The following DENND5B variants were observed in gnomAD, a reference collection of about 807,000 sequenced individuals.
DENND5B encodes DENN domain-containing protein 5B.
A neutral mutation model predicts 140.6 loss-of-function variants in DENND5B; 34 were observed. The ratio of observed to expected loss-of-function variants is 0.24; its 90% confidence interval spans 0.18 to 0.32. The LOEUF is 0.32. Ranked by LOEUF, DENND5B falls within the 10% of genes least tolerant of loss-of-function variation. DENND5B has a pLI of 1.00. For synonymous variants in DENND5B, 551 were observed against 562.1 expected (o/e 0.98, Z 0.28); for missense variants, 1,142 against 1,560.2 (o/e 0.73, Z 4.52).
intron 1 of DENND5B, among the ~76,000 whole-genome samples, chr12:31,507,025 C>T (rs1248993829): frequency 6.6e-6 from 1 of 152,192 alleles, no homozygotes; most frequent in Admixed American, 6.5e-5. Flanking sequence ...TTCAGAGTCC[C>T]AACCACATAG....
intron 2 of DENND5B, among the ~76,000 whole-genome samples, chr12:31,494,898 G>A (rs1946698314): frequency 6.6e-6 from 1 of 152,060 alleles, no homozygotes; most frequent in South Asian, 2.1e-4. Flanking sequence ...CCCACCCTGT[G>A]GATTGTACCT....
chr12:31,466,669 G>A (rs1237097242), intron 3 of DENND5B, among the ~76,000 whole-genome samples: 1 of 150,594 alleles, frequency 6.6e-6, no homozygotes, highest in Non-Finnish European at 1.5e-5. Context: ...CTCCATCCTG[G>A]GCAATAAAGT....
At chr12:31,525,236 T>C (rs1389188625) in intron 1 of DENND5B, among the ~76,000 whole-genome samples, 1 of 152,174 alleles carries the variant, frequency 6.6e-6, no homozygotes, top group African/African-American at 2.4e-5. Flanking sequence ...CATGCAAAAA[T>C]CTGAATGTTC....
intron 1 of DENND5B, among the ~76,000 whole-genome samples, chr12:31,550,870 A>T (rs762653696): frequency 6.6e-6 from 1 of 152,108 alleles, no homozygotes; most frequent in Non-Finnish European, 1.5e-5. Flanking sequence ...TCTTCTTTTG[A>T]GAAGTGTCTG....
chr12:31,388,237 T>C (rs982859253), intron 20 of DENND5B, among the ~76,000 whole-genome samples: 1 of 150,864 alleles, frequency 6.6e-6, no homozygotes, highest in Non-Finnish European at 1.5e-5. Context: ...TTTTTTTTTT[T>C]TTTTTTTTTT....
intron 1 of DENND5B, among the ~76,000 whole-genome samples, chr12:31,569,742 G>A (rs532660313): frequency 6.6e-6 from 1 of 152,256 alleles, no homozygotes; most frequent in African/African-American, 2.4e-5. Flanking sequence ...AGCCCAGGAG[G>A]CAGAGGTTGC....
chr12:31,482,945 T>G (rs2138582768), intron 2 of DENND5B, among the ~76,000 whole-genome samples: 1 of 152,364 alleles, frequency 6.6e-6, no homozygotes, highest in South Asian at 2.1e-4. Context: ...AAGCCCTGCA[T>G]GACTCAGCCC....
intron 1 of DENND5B, among the ~76,000 whole-genome samples, chr12:31,583,659 C>G (rs1329978538): frequency 6.6e-6 from 1 of 151,432 alleles, no homozygotes; most frequent in East Asian, 1.9e-4. Context: ...GCCCGGGCAA[C>G]AGAGCAAGAC....
At chr12:31,389,191 T>C (rs1182470548) in intron 20 of DENND5B, 133 bp downstream of exon 20, 3 of 853,744 alleles carry the variant, frequency 3.5e-6, no homozygotes, top group South Asian at 2.6e-5. Flanking sequence ...AGTGAGACTC[T>C]GTTTCAAAAG....
chr12:31,507,663 C>T (rs1349181254), intron 1 of DENND5B, among the ~76,000 whole-genome samples: 1 of 152,110 alleles, frequency 6.6e-6, no homozygotes, highest in Admixed American at 6.6e-5. Flanking sequence ...ATTGTAACTG[C>T]TATTATGAAA....
intron 1 of DENND5B, among the ~76,000 whole-genome samples, chr12:31,538,851 A>G (rs1185718780): frequency 6.6e-6 from 1 of 152,192 alleles, no homozygotes; most frequent in East Asian, 1.9e-4. Flanking sequence ...GGTGGGCAAC[A>G]GAGTGAGATT....
rs557722449 is a variant in DENND5B at position 31,549,529 on chromosome 12, A to AT, written c.127+41176dup. On this transcript the variant is annotated intron_variant, in intron 1 of 20. Transcript: ENST00000389082. The stretch of plus-strand genomic sequence containing the variant: ...GCCATTCTTTTTTTTTAATGTGACT[A>AT]TTTTTTTTAATTTTTATTTTTATTT... Among the ~76,000 whole-genome samples the AT allele has an allele frequency of 1.0e-4, 15 of 150,414 alleles. No individual in the cohort carries two copies. The East Asian group carries it at 2.3e-3, about 23-fold the overall frequency.
At chr12:31,581,374 A>G (rs1166191376) in intron 1 of DENND5B, among the ~76,000 whole-genome samples, 2 of 152,096 alleles carry the variant, frequency 1.3e-5, no homozygotes, top group Non-Finnish European at 2.9e-5. Flanking sequence ...ATTAATTGAC[A>G]TTAAGATTTC....
chr12:31,590,260 G>C (rs1259422), intron 1 of DENND5B: 121,395 of 152,366 alleles, frequency 0.8, 48,795 homozygotes, highest in African/African-American at 0.89. Flanking sequence ...CCGACTCCCC[G>C]TCTCCCGAAG....
At chr12:31,513,602 T>C (rs1167913593) in intron 1 of DENND5B, among the ~76,000 whole-genome samples, 1 of 152,182 alleles carries the variant, frequency 6.6e-6, no homozygotes, top group Non-Finnish European at 1.5e-5. Context: ...TTTACAACTC[T>C]TTTATTTGGC....
At chr12:31,563,761 G>C (rs1175147378) in intron 1 of DENND5B, among the ~76,000 whole-genome samples, 2 of 152,084 alleles carry the variant, frequency 1.3e-5, no homozygotes, top group African/African-American at 4.8e-5. Context: ...AATGCCTTTT[G>C]CAAATAAAAA....
intron 1 of DENND5B, among the ~76,000 whole-genome samples, chr12:31,574,292 A>ATTATT (rs1565710034): frequency 2.2e-5 from 3 of 135,280 alleles, no homozygotes; most frequent in African/African-American, 9.5e-5. Flanking sequence ...TAATAATAAT[A>ATTATT]ATAATTTAAA....
Position 31,386,518 on chromosome 12 carries a change from G to A in DENND5B, c.*1085C>T, listed in dbSNP as rs186096877. ...AAGCTTGCCCTGAAACACCCAGAAAGGGTTCATTCTCTCTCTCCTTCTGTT... is the reference window on the plus strand; with the variant it reads ...AAGCTTGCCCTGAAACACCCAGAAAAGGTTCATTCTCTCTCTCCTTCTGTT... On this transcript the variant is annotated 3_prime_UTR_variant, in exon 21 of 21. Coordinates refer to ENST00000389082, the MANE Select transcript of DENND5B (RefSeq NM_144973.4). 5 of 152,322 alleles carry A rather than the reference G, an allele frequency of 3.3e-5. No homozygotes were observed. In the East Asian group the frequency reaches 7.7e-4, roughly 23 times the overall value. 9.4% of individuals were successfully genotyped at this position (152,322 alleles called of 1,614,324 possible).
Position 31,590,936 on chromosome 12 carries a change from G to A in DENND5B, c.-104C>T. ...CTGTGGTCTGTGCGCCCGCCCTAGG[G>A]CGACACTGGCGCGCCCATGGCCGCG... On this transcript the variant is annotated 5_prime_UTR_variant, in exon 1 of 21. Coordinates refer to ENST00000389082, the MANE Select transcript of DENND5B (RefSeq NM_144973.4). 9.0e-7 allele frequency: 1 copy of A among 1,110,918 alleles called. No individual in the cohort carries two copies. Among genetic ancestry groups the A allele is most frequent in the South Asian group, 4.3e-5 (1 of 23,064 alleles). 68.8% of individuals were successfully genotyped at this position (1,110,918 alleles called of 1,614,324 possible). A position where few individuals can be genotyped will look rare whatever the true frequency, so the allele number is the denominator to read the frequency against.
Sources: allele counts gnomAD v4.1 joint callset (sites outside exome capture counted in the v4.1 genomes callset), GRCh38; gene constraint gnomAD v4.1.1; transcripts MANE v1.5; gene names NCBI Gene and HGNC (gene_info 2026-07-23, HGNC 2026-07-21).